Variants in ANAPC10 observed in about 807,000 individuals in gnomAD.
ANAPC10 encodes anaphase-promoting complex subunit 10.
Under a neutral mutation model 22.0 loss-of-function variants are expected in ANAPC10, and 12 were observed. The observed-to-expected ratio is 0.55, with a 90% confidence interval of 0.35 to 0.88. The LOEUF is 0.88. Ranked by LOEUF, ANAPC10 falls within the 40% of genes least tolerant of loss-of-function variation. The pLI, the probability that ANAPC10 is intolerant of heterozygous loss-of-function variation, is 0.01. For synonymous variants in ANAPC10, 65 were observed against 69.5 expected (o/e 0.94, Z 0.32); for missense variants, 188 against 220.9 (o/e 0.85, Z 0.94).
intron 4 of ANAPC10, among the ~76,000 whole-genome samples, chr4:145,017,259 TCAAA>T (rs1220835876): frequency 1.4e-4 from 21 of 151,270 alleles, no homozygotes; most frequent in Admixed American, 9.2e-4. Context: ...TACAAAGAAC[TCAAA>T]CAAATTTACA....
intron 4 of ANAPC10, among the ~76,000 whole-genome samples, chr4:145,062,887 A>G (rs914880680): frequency 6.6e-6 from 1 of 152,326 alleles, no homozygotes; most frequent in South Asian, 2.1e-4. Flanking sequence ...ACTGGAGAAC[A>G]CTATTGTTAA....
chr4:145,096,653 A>C (rs1438624690), intron 1 of ANAPC10, among the ~76,000 whole-genome samples: 1 of 152,196 alleles, frequency 6.6e-6, no homozygotes, highest in Non-Finnish European at 1.5e-5. Flanking sequence ...TTAGCCCTAG[A>C]AAAGTCAGAC....
chr4:145,085,400 C>A lies in ANAPC10; in HGVS notation c.116-3650G>T, dbSNP rs1746718077. ...TCACGATTCTTCCGTAAAAGCTCCA[C>A]AGTTTAATGTTCTATTGATTAAAAG... On this transcript the variant is annotated intron_variant, in intron 2 of 4. Coordinates refer to ENST00000507656, the MANE Select transcript of ANAPC10 (RefSeq NM_001256706.2). 1.3e-5 allele frequency among the ~76,000 whole-genome samples: 2 copies of A among 151,984 alleles called. 1 individual carries two copies. The highest frequency in any genetic ancestry group is 4.1e-4 in the South Asian group (2 of 4,824).
chr4:145,012,205 CAT>C lies in ANAPC10; in HGVS notation c.328-16604_328-16603del, dbSNP rs566309285. On this transcript the variant is annotated intron_variant, in intron 4 of 4. Coordinates refer to ENST00000507656, the MANE Select transcript of ANAPC10 (RefSeq NM_001256706.2). Reference sequence around the variant, plus strand: ...ATATATATATATATATACACACACACATATATATACATATATATAAATTTTCT... The same window carrying C: ...ATATATATATATATATACACACACACATATATACATATATATAAATTTTCT... 2.4e-3 allele frequency among the ~76,000 whole-genome samples: 358 copies of C among 147,190 alleles called. 2 individuals carry two copies. The highest frequency in any genetic ancestry group is 8.7e-3 in the African/African-American group (349 of 40,218).
Position 145,053,838 on chromosome 4 carries a change from T to C in ANAPC10, c.327+10734A>G, listed in dbSNP as rs1344220312. Reference sequence around the variant, plus strand: ...ACCTCTATTAAGATATACTTTTAAATTATGATAAAATGCTTCAGCAGGTAG... The same window carrying C: ...ACCTCTATTAAGATATACTTTTAAACTATGATAAAATGCTTCAGCAGGTAG... On this transcript the variant is annotated intron_variant, in intron 4 of 4. Coordinates refer to ENST00000507656, the MANE Select transcript of ANAPC10 (RefSeq NM_001256706.2). 8 of 566,638 alleles carry C rather than the reference T, an allele frequency of 1.4e-5. No homozygotes were observed. In the African/African-American group the frequency reaches 1.6e-4, roughly 11 times the overall value. 35.1% of individuals were successfully genotyped at this position (566,638 alleles called of 1,614,324 possible).
chr4:145,097,882 C>T (rs573120842), intron 1 of ANAPC10: 13 of 298,346 alleles, frequency 4.4e-5, no homozygotes, highest in Admixed American at 1.4e-4. Flanking sequence ...CGGCCCTGAA[C>T]TGACCACACA....
At position 145,068,213 on chromosome 4, in the gene ANAPC10, T is replaced by G. The variant is rs114217721; in HGVS notation, c.207-3521A>C. Among the ~76,000 whole-genome samples, 666 of 152,320 alleles carry G rather than the reference T, an allele frequency of 4.4e-3. 3 individuals are homozygous for G. The highest frequency in any genetic ancestry group is 0.015 in the African/African-American group (612 of 41,572). On this transcript the variant is annotated intron_variant, in intron 3 of 4. Coordinates refer to ENST00000507656, the MANE Select transcript of ANAPC10 (RefSeq NM_001256706.2). ...ACCATTATCAAAAGCTCTGCTACTA[T>G]ATGTTCTGATTTCTAATTAATACAG...
At chr4:145,059,242 T>C (rs1742514721) in intron 4 of ANAPC10, among the ~76,000 whole-genome samples, 1 of 152,088 alleles carries the variant, frequency 6.6e-6, no homozygotes. Context: ...CAAATTTTAA[T>C]AGGAAATATT....
chr4:145,017,322 C>T (rs1411483703), intron 4 of ANAPC10, among the ~76,000 whole-genome samples: 1 of 152,120 alleles, frequency 6.6e-6, no homozygotes, highest in Non-Finnish European at 1.5e-5. Context: ...TATGAACAGA[C>T]ACTTCTCAAA....
intron 2 of ANAPC10, among the ~76,000 whole-genome samples, chr4:145,094,144 T>C (rs955868339): frequency 1.3e-5 from 2 of 152,248 alleles, no homozygotes; most frequent in African/African-American, 4.8e-5. Context: ...TACACCCATA[T>C]TGTGGAACAG....
At chr4:145,013,729 C>A (rs970596998) in intron 4 of ANAPC10, among the ~76,000 whole-genome samples, 1 of 152,196 alleles carries the variant, frequency 6.6e-6, no homozygotes, top group East Asian at 1.9e-4. Flanking sequence ...TCTGCTCCTG[C>A]AGGACCCAGG....
At chr4:144,996,888 C>T (rs531226902) in intron 4 of ANAPC10, among the ~76,000 whole-genome samples, 1 of 152,142 alleles carries the variant, frequency 6.6e-6, no homozygotes, top group South Asian at 2.1e-4. Flanking sequence ...AAGAGAAGAC[C>T]TTAAATGACC....
intron 4 of ANAPC10, among the ~76,000 whole-genome samples, chr4:145,035,869 T>C (rs1738443696): frequency 6.6e-6 from 1 of 152,184 alleles, no homozygotes; most frequent in Non-Finnish European, 1.5e-5. Flanking sequence ...ACACCCCTGG[T>C]CTTCCTCAGC....
At chr4:145,013,101 C>T (rs551461492) in intron 4 of ANAPC10, among the ~76,000 whole-genome samples, 1 of 152,252 alleles carries the variant, frequency 6.6e-6, no homozygotes, top group Admixed American at 6.5e-5. Context: ...GCTTCCTGTA[C>T]AGCCTGTGGA....
At position 145,027,475 on chromosome 4, in the gene ANAPC10, G is replaced by A. The variant is rs144276012; in HGVS notation, c.328-31872C>T. On this transcript the variant is annotated intron_variant, in intron 4 of 4. Coordinates refer to ENST00000507656, the MANE Select transcript of ANAPC10 (RefSeq NM_001256706.2). ...AAAAACTATCAAAGAACACAAGAGT[G>A]TCTCCAGGACTCAGGGACAGGTATC... is the stretch of plus-strand genomic sequence containing the variant. Among the ~76,000 whole-genome samples, 33 of 152,228 alleles carry A rather than the reference G, an allele frequency of 2.2e-4. No homozygotes were observed. The East Asian group carries it at 4.1e-3, about 19-fold the overall frequency.
intron 4 of ANAPC10, among the ~76,000 whole-genome samples, chr4:145,016,016 C>A (rs1484821653): frequency 6.6e-6 from 1 of 152,136 alleles, no homozygotes; most frequent in Non-Finnish European, 1.5e-5. Flanking sequence ...CAATATCATA[C>A]TGAATGGGCA....
At chr4:145,003,692 T>G (rs1732914920) in intron 4 of ANAPC10, among the ~76,000 whole-genome samples, 1 of 152,180 alleles carries the variant, frequency 6.6e-6, no homozygotes, top group African/African-American at 2.4e-5. Flanking sequence ...TCTGTTCCAT[T>G]GGTGTATGTG....
chr4:145,095,910 G>C, intron 2 of ANAPC10, 75 bp downstream of exon 2: 1 of 1,578,396 alleles, frequency 6.3e-7, no homozygotes, highest in South Asian at 1.1e-5. Flanking sequence ...GTATCCCCTG[G>C]GATAAGGGGA....
chr4:145,061,343 A>G (rs932003072), intron 4 of ANAPC10, among the ~76,000 whole-genome samples: 1 of 152,196 alleles, frequency 6.6e-6, no homozygotes, highest in Non-Finnish European at 1.5e-5. Flanking sequence ...TAAAATTTAC[A>G]ATAGAATACA....
Sources: gnomAD v4.1 joint callset for allele counts (sites outside exome capture counted in the v4.1 genomes callset) on GRCh38, gnomAD v4.1.1 for gene constraint, MANE v1.5 for transcripts, NCBI Gene and HGNC (gene_info 2026-07-23, HGNC 2026-07-21) for gene names.